The following ZFHX4 variants were observed in gnomAD, a reference collection of about 807,000 sequenced individuals.
ZFHX4 encodes zinc finger homeobox 4, also known as zinc finger homeobox protein 4.
ZFHX4 carries 56 observed loss-of-function variants against 267.6 expected under a neutral mutation model. The observed-to-expected ratio is 0.21, with a 90% CI of 0.17 to 0.26. The LOEUF is 0.26. ZFHX4 is among the 10% of genes least tolerant of loss of function. The pLI is 1.00. For missense variants in ZFHX4, 4,332 were observed against 4,420.0 expected (o/e 0.98, Z 0.56); for synonymous variants, 1,778 against 1,665.6 (o/e 1.07, Z -1.64).
chr8:76,790,871 A>G (rs1810817401), intron 4 of ZFHX4, among the ~76,000 whole-genome samples: 1 of 152,280 alleles, frequency 6.6e-6, no homozygotes, highest in Middle Eastern at 3.4e-3. Context: ...GTTTCCATCC[A>G]GCCTTGCATG....
rs946481275 is a variant in ZFHX4, at chr8:76,776,439, A to C, written c.3094-1769A>C. Among the ~76,000 whole-genome samples the C allele has an allele frequency of 6.6e-5, 10 of 152,098 alleles. No individual in the cohort carries two copies. The East Asian group carries it at 1.9e-3, about 29-fold the overall frequency. On this transcript the variant is annotated intron_variant, in intron 3 of 10. Transcript: ENST00000651372. The stretch of plus-strand genomic sequence containing the variant: ...TGGTCGCTGGGACTAGAGAAGGTCA[A>C]TTCCTGGCTTGTCTCTTCCCTTTTG...
At chr8:76,773,918 G>GT (rs1810335434) in intron 3 of ZFHX4, among the ~76,000 whole-genome samples, 1 of 152,118 alleles carries the variant, frequency 6.6e-6, no homozygotes, top group Admixed American at 6.6e-5. Context: ...AAAAAATGAT[G>GT]TTTTTACCTG....
intron 1 of ZFHX4, chr8:76,683,395 C>G (rs1246076139): frequency 7.1e-6 from 1 of 140,472 alleles, no homozygotes; most frequent in Non-Finnish European, 1.5e-5. Flanking sequence ...ACACACACAA[C>G]AACATCCCCC....
intron 3 of ZFHX4, among the ~76,000 whole-genome samples, chr8:76,743,673 G>A (rs1011456365): frequency 2.6e-5 from 4 of 152,108 alleles, no homozygotes; most frequent in Non-Finnish European, 5.9e-5. Context: ...TTTTAAAAAC[G>A]AAATTTCAGC....
intron 3 of ZFHX4, among the ~76,000 whole-genome samples, chr8:76,735,328 A>T (rs1423818061): frequency 6.6e-6 from 1 of 152,124 alleles, no homozygotes; most frequent in East Asian, 1.9e-4. Flanking sequence ...GATTTCAGAA[A>T]GTGTTACAAG....
At chr8:76,787,729 C>T (rs1474854978) in intron 4 of ZFHX4, among the ~76,000 whole-genome samples, 5 of 150,544 alleles carry the variant, frequency 3.3e-5, no homozygotes, top group South Asian at 4.2e-4. Flanking sequence ...AGGAGAATGG[C>T]GTGAACCCGG....
chr8:76,760,928 C>CAAAAAAAAAAA (rs771069673), intron 3 of ZFHX4, among the ~76,000 whole-genome samples: 3 of 64,102 alleles, frequency 4.7e-5, no homozygotes, highest in African/African-American at 1.0e-4. Flanking sequence ...GACCCTGCCT[C>CAAAAAAAAAAA]AAAAAAAAAA....
In ZFHX4 at chr8:76,854,921, C is replaced by T. The variant is rs775966431; in HGVS notation, c.8000C>T (p.Ala2667Val). Residue 2667 changes from alanine to valine, a missense_variant, in exon 10 of 11, where the codon GCG becomes GTG. Ala to Val is a moderately conservative substitution (Grantham distance 64). This residue lies in a region of ZFHX4 where 1,648 missense variants were observed against 1,625.0 expected (regional missense o/e 1.01). Transcript: ENST00000651372. ...CGGGAGAGGAAAGGCCAGTTCCGGG[C>T]GGTGGGTCCAGCACAGTCTCATAAA... ...RARERKGQFRAVGPAQSHKRC... is the reference protein window; with the variant it reads ...RARERKGQFRVVGPAQSHKRC... 28 of 1,613,638 alleles carry T rather than the reference C, an allele frequency of 1.7e-5. No homozygotes were observed. The South Asian group carries it at 2.7e-4, about 16-fold the overall frequency.
intron 3 of ZFHX4, among the ~76,000 whole-genome samples, chr8:76,770,771 A>C (rs1295202976): frequency 6.6e-6 from 1 of 152,142 alleles, no homozygotes; most frequent in Non-Finnish European, 1.5e-5. Flanking sequence ...TAGGAGTAAG[A>C]CAGGTGAAGG....
chr8:76,822,356 T>A (rs1308805633), intron 4 of ZFHX4, among the ~76,000 whole-genome samples: 1 of 152,174 alleles, frequency 6.6e-6, no homozygotes, highest in Non-Finnish European at 1.5e-5. Flanking sequence ...GACCTTATTT[T>A]ACTTGACTTC....
At chr8:76,858,045 G>T (rs1812776985) in intron 10 of ZFHX4, among the ~76,000 whole-genome samples, 1 of 152,146 alleles carries the variant, frequency 6.6e-6, no homozygotes, top group South Asian at 2.1e-4. Flanking sequence ...TTTGATTGAT[G>T]ATGACTGTGT....
intron 6 of ZFHX4, among the ~76,000 whole-genome samples, chr8:76,843,800 A>G (rs1812298352): frequency 6.6e-6 from 1 of 152,132 alleles, no homozygotes; most frequent in South Asian, 2.1e-4. Context: ...TTTACATGCA[A>G]GTTTATTTAA....
At chr8:76,856,474 A>G in intron 10 of ZFHX4, 174 bp downstream of exon 10, 2 of 725,084 alleles carry the variant, frequency 2.8e-6, no homozygotes, top group Non-Finnish European at 4.6e-6. Flanking sequence ...AAGTAGGTCA[A>G]CCTGAAACAC....
intron 3 of ZFHX4, chr8:76,708,332 A>G (rs547399057): frequency 5.4e-5 from 21 of 392,452 alleles, no homozygotes; most frequent in Non-Finnish European, 9.7e-5. Flanking sequence ...AGTGTTATAT[A>G]TAAAATAATA....
intron 3 of ZFHX4, among the ~76,000 whole-genome samples, chr8:76,766,380 C>T (rs890175962): frequency 1.3e-5 from 2 of 152,080 alleles, no homozygotes; most frequent in Non-Finnish European, 2.9e-5. Flanking sequence ...AAGAACTATT[C>T]AAAAGTAACT....
intron 3 of ZFHX4, among the ~76,000 whole-genome samples, chr8:76,712,212 C>A (rs913711904): frequency 1.3e-5 from 2 of 152,016 alleles, no homozygotes; most frequent in African/African-American, 4.8e-5. Context: ...TGTAACATTC[C>A]CCCGTGGAGC....
At chr8:76,835,239 A>ATATATATATG (rs1188201650) in intron 5 of ZFHX4, among the ~76,000 whole-genome samples, 1 of 69,918 alleles carries the variant, frequency 1.4e-5, no homozygotes, top group African/African-American at 8.4e-5. Flanking sequence ...ATATATATAT[A>ATATATATATG]TGTATATATA....
intron 5 of ZFHX4, among the ~76,000 whole-genome samples, chr8:76,841,153 AG>A (rs1812223392): frequency 1.3e-5 from 2 of 152,320 alleles, no homozygotes; most frequent in South Asian, 4.1e-4. Context: ...GAGGACTCAC[AG>A]TTGAAACAAA....
At chr8:76,739,415 T>C (rs997453381) in intron 3 of ZFHX4, among the ~76,000 whole-genome samples, 1 of 152,174 alleles carries the variant, frequency 6.6e-6, no homozygotes, top group Non-Finnish European at 1.5e-5. Context: ...TGGAATATTA[T>C]CTAAGAATCA....
Sources: allele counts gnomAD v4.1 joint callset (sites outside exome capture counted in the v4.1 genomes callset), GRCh38; gene constraint gnomAD v4.1.1; regional missense constraint gnomAD v4.1.1; transcripts MANE v1.5; gene names NCBI Gene and HGNC (gene_info 2026-07-23, HGNC 2026-07-21).